ALDH1A3: variants seen among roughly 807,000 people sequenced by gnomAD.
ALDH1A3 encodes aldehyde dehydrogenase 1 family member A3.
ALDH1A3 carries 28 observed loss-of-function variants against 57.5 expected under a neutral mutation model. The ratio of observed to expected loss-of-function variants is 0.49; its 90% confidence interval spans 0.36 to 0.67. The LOEUF (loss-of-function observed/expected upper bound fraction) is 0.67. Among genes scored for constraint, ALDH1A3 ranks in the 30% least tolerant of loss-of-function variants. ALDH1A3 has a pLI of 0.00. For synonymous variants in ALDH1A3, 281 were observed against 264.8 expected, an observed-to-expected ratio of 1.06 and a Z score of -0.59; for missense variants, 507 against 669.4, an observed-to-expected ratio of 0.76 and a Z score of 2.68.
chr15:100,882,093 A>G (rs1168817886), intron 1 of ALDH1A3, among the ~76,000 whole-genome samples: 1 of 152,310 alleles, frequency 6.6e-6, no homozygotes, highest in East Asian at 1.9e-4. Context: ...CAGACGGTGG[A>G]GCATGGGAGC....
intron 12 of ALDH1A3, among the ~76,000 whole-genome samples, chr15:100,911,439 C>G (rs2041883028): frequency 6.6e-6 from 1 of 152,222 alleles, no homozygotes; most frequent in African/African-American, 2.4e-5. Flanking sequence ...TATGGAAAGT[C>G]AAGGCTTCCC....
At chr15:100,908,920 T>C (rs1194273563) in intron 12 of ALDH1A3, among the ~76,000 whole-genome samples, 1 of 151,932 alleles carries the variant, frequency 6.6e-6, no homozygotes, top group African/African-American at 2.4e-5. Flanking sequence ...CTGAGCCTAG[T>C]AGGGGACCTC....
intron 1 of ALDH1A3, among the ~76,000 whole-genome samples, chr15:100,884,834 G>A (rs141127756): frequency 1.1e-4 from 16 of 152,192 alleles, no homozygotes; most frequent in East Asian, 1.9e-4. Flanking sequence ...TGCTCGGTGC[G>A]TCCTTACCCT....
At chr15:100,892,440 T>A (rs2041659736) in intron 3 of ALDH1A3, 70 bp from the exon 4 acceptor site, 57 of 1,602,284 alleles carry the variant, frequency 3.6e-5, no homozygotes, top group African/African-American at 6.8e-5. Flanking sequence ...CCAACTTCCA[T>A]CTTTAACAAC....
In ALDH1A3 at chr15:100,894,080, G is replaced by A; in HGVS notation, c.664G>A (p.Glu222Lys). The A allele has an allele frequency of 6.2e-7, 1 of 1,613,942 alleles. No homozygotes were observed. The highest frequency in any genetic ancestry group is 8.5e-7 in the Non-Finnish European group (1 of 1,179,942). ...TALYLGSLIKEAGFPPGVVNI... is the reference protein window; with the variant it reads ...TALYLGSLIKKAGFPPGVVNI... Reference sequence around the variant, plus strand: ...CCTTTATCTCGGCTCTCTGATCAAAGAGGTGAGACATCCAAAAAGAAAATA... The same window carrying A: ...CCTTTATCTCGGCTCTCTGATCAAAAAGGTGAGACATCCAAAAAGAAAATA... The change falls in exon 6 of 13, where the codon GAG becomes AAG. Residue 222 changes from glutamate to lysine, a missense_variant and splice_region_variant. Physicochemically the swap from Glu to Lys is moderately conservative, Grantham distance 56. Around this residue, in one of 2 missense-constraint regions of ALDH1A3, gnomAD observed 432 missense variants for 608.4 expected, o/e 0.71. Coordinates refer to ENST00000329841, the MANE Select transcript of ALDH1A3 (RefSeq NM_000693.4). The surrounding 1 kb of genome is among the most constrained non-coding windows in gnomAD (Gnocchi z 4.5).
At position 100,893,476 on chromosome 15, in the gene ALDH1A3, C is replaced by T. The variant is rs140814731; in HGVS notation, c.537+470C>T. Reference sequence around the variant, plus strand: ...AGCACACGTGGCAGGTGGTGTGGGCCAGCTTCCAGCAGCTTTGGCTGCTAA... The same window carrying T: ...AGCACACGTGGCAGGTGGTGTGGGCTAGCTTCCAGCAGCTTTGGCTGCTAA... On this transcript the variant is annotated intron_variant, in intron 5 of 12. Coordinates refer to ENST00000329841, the MANE Select transcript of ALDH1A3 (RefSeq NM_000693.4). This position sits in a 1 kb window ranked among gnomAD's most constrained non-coding sequence, Gnocchi z 4.8. 3.8e-3 allele frequency: 641 copies of T among 170,042 alleles called. 11 individuals are homozygous for T. Among genetic ancestry groups the T allele is most frequent in the East Asian group, 0.024 (139 of 5,868 alleles). 10.5% of individuals were successfully genotyped at this position (170,042 alleles called of 1,614,324 possible).
At chr15:100,881,922 C>A (rs2041551211) in intron 1 of ALDH1A3, among the ~76,000 whole-genome samples, 1 of 152,234 alleles carries the variant, frequency 6.6e-6, no homozygotes, top group South Asian at 2.1e-4. Flanking sequence ...GGTGGCCAAC[C>A]AGTGCCCTGG....
In ALDH1A3 at chr15:100,915,559, A is replaced by G. The variant is rs181212672; in HGVS notation, c.*786A>G. The G allele has an allele frequency of 5.3e-4, 80 of 152,310 alleles. No individual in the cohort carries two copies. Among genetic ancestry groups the G allele is most frequent in the African/African-American group, 1.9e-3 (77 of 41,556 alleles). 9.4% of individuals were successfully genotyped at this position (152,310 alleles called of 1,614,324 possible). On this transcript the variant is annotated 3_prime_UTR_variant, in exon 13 of 13. Coordinates refer to ENST00000329841, the MANE Select transcript of ALDH1A3 (RefSeq NM_000693.4). Reference sequence around the variant, plus strand: ...GGTTACCTTTGCTGCTAAAGATCCAATCTTCTAACGCCACAACAGCATAGC... The same window carrying G: ...GGTTACCTTTGCTGCTAAAGATCCAGTCTTCTAACGCCACAACAGCATAGC...
At chr15:100,912,193 T>G (rs901891649) in intron 12 of ALDH1A3, among the ~76,000 whole-genome samples, 5 of 152,238 alleles carry the variant, frequency 3.3e-5, no homozygotes, top group Non-Finnish European at 7.3e-5. Flanking sequence ...AAGTATACAC[T>G]TGTGGGAGAT....
chr15:100,911,057 T>C (rs1048825426), intron 12 of ALDH1A3, among the ~76,000 whole-genome samples: 3 of 152,270 alleles, frequency 2.0e-5, no homozygotes, highest in Admixed American at 2.0e-4. Flanking sequence ...ATCGGGACTT[T>C]TTTGAATGTC....
In ALDH1A3 at chr15:100,899,731, C is replaced by T. The variant is rs535126239; in HGVS notation, c.884-844C>T. The stretch of plus-strand genomic sequence containing the variant: ...GTACCCCCAAACCTTATGGTGCTGT[C>T]CTGCTGCCACTGAAACTTCCACAAA... On this transcript the variant is annotated intron_variant, in intron 8 of 12. Coordinates refer to ENST00000329841, the MANE Select transcript of ALDH1A3 (RefSeq NM_000693.4). Among the ~76,000 whole-genome samples, 103 of 152,256 alleles carry T rather than the reference C, an allele frequency of 6.8e-4. 1 individual carries two copies. The South Asian group carries it at 0.021, about 31-fold the overall frequency.
At chr15:100,885,960 G>A (rs2041590841) in intron 2 of ALDH1A3, among the ~76,000 whole-genome samples, 1 of 152,202 alleles carries the variant, frequency 6.6e-6, no homozygotes, top group South Asian at 2.1e-4. Flanking sequence ...ACTTCCGAAT[G>A]TGTCCTTTAT....
intron 9 of ALDH1A3, 136 bp downstream of exon 9, chr15:100,900,895 T>A: frequency 1.0e-6 from 1 of 973,142 alleles, no homozygotes; most frequent in Non-Finnish European, 1.5e-6. Flanking sequence ...TTCTTTTCTT[T>A]AGAAACTGAT....
rs551352846 is a variant in ALDH1A3 at position 100,903,967 on chromosome 15, T to C, written c.1069-1556T>C. ...GTTGTTTTGCTCTTTGTTATGATAA[T>C]TTTGCCCCCACCCCATTTTTTTTAC... is the stretch of plus-strand genomic sequence containing the variant. On this transcript the variant is annotated intron_variant, in intron 9 of 12. Transcript: ENST00000329841. Among the ~76,000 whole-genome samples, 7 of 152,344 alleles carry C rather than the reference T, an allele frequency of 4.6e-5. No individual in the cohort carries two copies. The South Asian group carries it at 1.4e-3, about 32-fold the overall frequency.
intron 1 of ALDH1A3, 170 bp downstream of exon 1, chr15:100,880,176 G>A (rs2141542055): frequency 2.4e-6 from 1 of 424,456 alleles, no homozygotes; most frequent in Non-Finnish European, 4.0e-6. Flanking sequence ...TTCGCGGGAC[G>A]TCTCGGGCGG....
intron 1 of ALDH1A3, among the ~76,000 whole-genome samples, chr15:100,884,978 C>T (rs991124996): frequency 1.3e-5 from 2 of 152,084 alleles, no homozygotes; most frequent in Non-Finnish European, 2.9e-5. Context: ...TCTGTGAATC[C>T]ATGTTATTGC....
At chr15:100,912,941 G>A (rs2041894560) in intron 12 of ALDH1A3, among the ~76,000 whole-genome samples, 1 of 30,160 alleles carries the variant, frequency 3.3e-5, no homozygotes, top group African/African-American at 1.1e-4. Flanking sequence ...GGCGGATCAC[G>A]AGGTCAGGAG....
At chr15:100,881,781 G>A (rs1451577135) in intron 1 of ALDH1A3, among the ~76,000 whole-genome samples, 1 of 152,214 alleles carries the variant, frequency 6.6e-6, no homozygotes, top group Non-Finnish European at 1.5e-5. Context: ...GGCCCCAACT[G>A]CCTGACACCG....
At chr15:100,914,028 C>T (rs950837364) in intron 12 of ALDH1A3, 1 of 152,308 alleles carries the variant, frequency 6.6e-6, no homozygotes, top group African/African-American at 2.4e-5. Flanking sequence ...GAAGGATCAC[C>T]TGAGCCCTGC....
Sources: allele counts gnomAD v4.1 joint callset (sites outside exome capture counted in the v4.1 genomes callset), GRCh38; gene constraint gnomAD v4.1.1; regional missense constraint gnomAD v4.1.1; non-coding constraint Gnocchi (gnomAD v3.1); transcripts MANE v1.5; gene names NCBI Gene and HGNC (gene_info 2026-07-23, HGNC 2026-07-21).